ERBB4: variants seen among roughly 807,000 people sequenced by gnomAD.
The protein encoded by ERBB4 is erb-b2 receptor tyrosine kinase 4.
In ERBB4, 42 loss-of-function variants were observed where a neutral mutation model predicts 158.0. The observed-to-expected ratio is 0.27, with a 90% confidence interval of 0.21 to 0.34. The LOEUF (loss-of-function observed/expected upper bound fraction) is 0.34, where lower values mean the gene tolerates loss of function less well. Among genes scored for constraint, ERBB4 ranks in the 10% least tolerant of loss-of-function variants. The pLI, the probability that ERBB4 is intolerant of heterozygous loss-of-function variation, is 1.00. For missense variants in ERBB4, 1,333 were observed against 1,624.1 expected (o/e 0.82, Z 3.08); for synonymous variants, 583 against 558.7 (o/e 1.04, Z -0.61).
intron 1 of ERBB4, 136 bp from the exon 2 acceptor site, chr2:212,125,039 G>C: frequency 9.7e-7 from 1 of 1,034,406 alleles, no homozygotes; most frequent in Non-Finnish European, 1.5e-6. Context: ...TCGTCATTAA[G>C]AGGCATAGAC....
rs2068065918 is a variant in ERBB4 at position 211,580,849 on chromosome 2, T to A, written c.2302-18761A>T. ...TTATATATATAGATTATATATTATA[T>A]ATATAGTATGCATATACATATATAT... On this transcript the variant is annotated intron_variant, in intron 19 of 27. Transcript: ENST00000342788. Among the ~76,000 whole-genome samples the A allele has an allele frequency of 1.5e-4, 9 of 58,370 alleles. 1 individual carries two copies. Among genetic ancestry groups the A allele is most frequent in the Non-Finnish European group, 3.9e-5 (1 of 25,372 alleles). 38.3% of individuals were successfully genotyped at this position (58,370 alleles called of 152,430 possible). A position where few individuals can be genotyped will look rare whatever the true frequency, so the allele number is the denominator to read the frequency against.
chr2:212,086,782 A>G (rs1317271638), intron 2 of ERBB4, among the ~76,000 whole-genome samples: 2 of 152,176 alleles, frequency 1.3e-5, no homozygotes, highest in Admixed American at 6.6e-5. Context: ...AAATCCAGAA[A>G]CTGTTAGGAG....
intron 4 of ERBB4, among the ~76,000 whole-genome samples, chr2:211,765,799 A>AT (rs1253779681): frequency 6.6e-6 from 1 of 152,164 alleles, no homozygotes; most frequent in Non-Finnish European, 1.5e-5. Flanking sequence ...TTATCATTGT[A>AT]TTTTTTGTAG....
intron 2 of ERBB4, among the ~76,000 whole-genome samples, chr2:212,012,737 TTTTTA>T (rs922160428): frequency 1.8e-3 from 279 of 152,038 alleles, no homozygotes; most frequent in African/African-American, 5.8e-3. Context: ...GTTGTTGTTG[TTTTTA>T]TTTTATTTTA....
chr2:212,447,662 TTAAG>T (rs1364053714), intron 1 of ERBB4, among the ~76,000 whole-genome samples: 5 of 152,144 alleles, frequency 3.3e-5, no homozygotes, highest in South Asian at 2.1e-4. Flanking sequence ...TACAGAAATT[TTAAG>T]TAAGTGTATG....
intron 2 of ERBB4, among the ~76,000 whole-genome samples, chr2:211,980,437 A>G (rs961951067): frequency 6.6e-6 from 1 of 152,166 alleles, no homozygotes; most frequent in African/African-American, 2.4e-5. Context: ...TTGTCAAACT[A>G]TGATATTTAA....
At chr2:212,463,860 T>A (rs1230082875) in intron 1 of ERBB4, among the ~76,000 whole-genome samples, 2 of 152,218 alleles carry the variant, frequency 1.3e-5, no homozygotes, top group Admixed American at 6.5e-5. Context: ...AAACTTTAAA[T>A]TTAAGTTTAA....
At chr2:212,295,456 G>A (rs1381354150) in intron 1 of ERBB4, among the ~76,000 whole-genome samples, 1 of 151,950 alleles carries the variant, frequency 6.6e-6, no homozygotes, top group East Asian at 1.9e-4. Flanking sequence ...TTATCTTCAT[G>A]TTTCTCTCTG....
At chr2:212,048,259 T>C (rs920084296) in intron 2 of ERBB4, among the ~76,000 whole-genome samples, 2 of 152,194 alleles carry the variant, frequency 1.3e-5, no homozygotes, top group East Asian at 1.9e-4. Context: ...ACTTTTACTT[T>C]AAGTGCAATG....
intron 20 of ERBB4, among the ~76,000 whole-genome samples, chr2:211,540,665 G>A (rs1234446932): frequency 6.6e-6 from 1 of 151,780 alleles, no homozygotes; most frequent in African/African-American, 2.4e-5. Context: ...CAGGGTTCAT[G>A]CTATTCTTCT....
At chr2:212,206,586 G>C (rs1398040834) in intron 1 of ERBB4, among the ~76,000 whole-genome samples, 1 of 66,766 alleles carries the variant, frequency 1.5e-5, no homozygotes, top group Admixed American at 1.8e-4. Context: ...CGTCTGTTCT[G>C]TTCTTTTTTT....
intron 2 of ERBB4, among the ~76,000 whole-genome samples, chr2:212,073,670 G>A (rs1264347518): frequency 2.6e-5 from 4 of 152,000 alleles, no homozygotes; most frequent in East Asian, 1.9e-4. Context: ...GGTGCACAGA[G>A]CAGGGTGAAG....
At chr2:212,258,001 G>T (rs2084802907) in intron 1 of ERBB4, among the ~76,000 whole-genome samples, 1 of 151,998 alleles carries the variant, frequency 6.6e-6, no homozygotes, top group African/African-American at 2.4e-5. Flanking sequence ...TATAAAAGTG[G>T]TTTATGAAGT....
At chr2:211,776,478 G>A (rs2075879635) in intron 4 of ERBB4, among the ~76,000 whole-genome samples, 1 of 152,020 alleles carries the variant, frequency 6.6e-6, no homozygotes, top group Non-Finnish European at 1.5e-5. Context: ...TGATCTAGAG[G>A]GCATTTTCAC....
chr2:212,192,541 T>C (rs560452069), intron 1 of ERBB4, among the ~76,000 whole-genome samples: 8 of 152,192 alleles, frequency 5.3e-5, no homozygotes, highest in African/African-American at 1.7e-4. Context: ...AAAAAGGCTA[T>C]TGGGCAAATG....
intron 5 of ERBB4, among the ~76,000 whole-genome samples, chr2:211,741,450 T>TACAC (rs1553622676): frequency 1.6e-5 from 1 of 62,790 alleles, no homozygotes. Flanking sequence ...TATATGTAGT[T>TACAC]ATACACACAC....
chr2:212,221,213 G>T (rs575840374), intron 1 of ERBB4, among the ~76,000 whole-genome samples: 159 of 151,648 alleles, frequency 1.0e-3, no homozygotes, highest in African/African-American at 3.7e-3. Context: ...GATCTGTAAT[G>T]CAATTTAGAT....
At chr2:212,008,810 G>C (rs945327662) in intron 2 of ERBB4, among the ~76,000 whole-genome samples, 1 of 152,070 alleles carries the variant, frequency 6.6e-6, no homozygotes. Context: ...TAAGGAAATT[G>C]ACAGCATTCA....
intron 3 of ERBB4, among the ~76,000 whole-genome samples, chr2:211,868,421 C>T (rs576087840): frequency 3.3e-5 from 5 of 152,268 alleles, no homozygotes; most frequent in African/African-American, 1.2e-4. Flanking sequence ...TTTTATGGCT[C>T]ACTGCCAGGT....
Sources: gnomAD v4.1 joint callset for allele counts (sites outside exome capture counted in the v4.1 genomes callset) on GRCh38, gnomAD v4.1.1 for gene constraint, MANE v1.5 for transcripts, NCBI Gene and HGNC (gene_info 2026-07-23, HGNC 2026-07-21) for gene names.